Variants in FAT2 observed in about 807,000 individuals in gnomAD.
FAT2 encodes FAT atypical cadherin 2, also known as protocadherin Fat 2.
In FAT2, 150 loss-of-function variants were observed where a neutral mutation model predicts 295.3. That is an observed-to-expected ratio of 0.51 (90% confidence interval 0.44 to 0.58). FAT2 has a LOEUF of 0.58. Among genes scored for constraint, FAT2 ranks in the 20% least tolerant of loss-of-function variants. FAT2 has a pLI of 0.00. For synonymous variants in FAT2, 2,026 were observed against 2,150.3 expected (o/e 0.94, Z 1.60); for missense variants, 4,868 against 5,442.7 (o/e 0.89, Z 3.32).
Position 151,542,595 on chromosome 5 carries a change from G to A in FAT2, c.8532C>T (p.Val2844=). 6.2e-7 allele frequency: 1 copy of A among 1,614,186 alleles called. No individual in the cohort carries two copies. Among genetic ancestry groups the A allele is most frequent in the Non-Finnish European group, 8.5e-7 (1 of 1,180,032 alleles). The change falls in exon 10 of 24, where the codon GTC becomes GTT. Residue 2844 remains valine, a synonymous_variant. Coordinates refer to ENST00000261800, the MANE Select transcript of FAT2 (RefSeq NM_001447.3). The part of the protein sequence containing the change: ...YRLSADPGSN[V]HELFAIDSES... ...CACTGTCAATGGCAAAGAGCTCATG[G>A]ACATTGCTACCAGGGTCTGCAGACA...
At chr5:151,575,818 G>A (rs549324050) in intron 1 of FAT2, among the ~76,000 whole-genome samples, 2 of 152,380 alleles carry the variant, frequency 1.3e-5, no homozygotes, top group South Asian at 4.1e-4. Flanking sequence ...CAGTGATGAA[G>A]TGTTCTGTCT....
rs1222707685 is a variant in FAT2, at chr5:151,566,505, A to T, written c.2427T>A (p.Asn809Lys). Residue 809 changes from asparagine (N) to lysine (K), a missense_variant, in exon 2 of 24, where the codon AAT becomes AAA. Physicochemically the swap from Asn to Lys is moderately conservative, Grantham distance 94. Transcript: ENST00000261800. ...GTGCGTTGTCATTCCAGTCTTTCAC[A>T]TTCACTGTCAGCAGCTTCCAGGAGG... ...QKSSWKLLTV[N>K]VKDWNDNAPR... is the part of the protein sequence containing the mutation. The T allele has an allele frequency of 1.2e-6, 2 of 1,614,040 alleles. No homozygotes were observed. Among genetic ancestry groups the T allele is most frequent in the Admixed American group, 1.7e-5 (1 of 60,016 alleles).
chr5:151,591,335 G>C (rs1252226400), upstream of FAT2, among the ~76,000 whole-genome samples: 4 of 152,350 alleles, frequency 2.6e-5, no homozygotes, highest in African/African-American at 9.6e-5. Flanking sequence ...GTGTGTCCCA[G>C]CCCAGGAGGA....
At chr5:151,536,578 G>A (rs1298262323) in intron 12 of FAT2, among the ~76,000 whole-genome samples, 1 of 152,142 alleles carries the variant, frequency 6.6e-6, no homozygotes, top group Non-Finnish European at 1.5e-5. Context: ...CACTCCACCA[G>A]ACTCTCACAG....
rs566260974 is a variant in FAT2 at position 151,506,110 on chromosome 5, A to G, written c.12518-13T>C. The G allele has an allele frequency of 2.7e-6, 4 of 1,502,056 alleles. No homozygotes were observed. The Admixed American group carries it at 6.9e-5, about 26-fold the overall frequency. 93.0% of individuals were successfully genotyped at this position (1,502,056 alleles called of 1,614,324 possible). ...CCGCCAGGGTACACTGAAAGGGAAC[A>G]GCAAGATAGGGTGAGCTCATTTTCT... On this transcript the variant is annotated splice_polypyrimidine_tract_variant and intron_variant, in intron 23 of 23. Transcript: ENST00000261800.
chr5:151,550,989 C>A, intron 7 of FAT2, 118 bp from the exon 8 acceptor site: 1 of 815,476 alleles, frequency 1.2e-6, no homozygotes, highest in Non-Finnish European at 2.0e-6. Flanking sequence ...TCAGCAATCA[C>A]TTGATAAATA....
intron 20 of FAT2, among the ~76,000 whole-genome samples, chr5:151,513,708 G>A (rs141550216): frequency 6.6e-6 from 1 of 151,996 alleles, no homozygotes; most frequent in African/African-American, 2.4e-5. Flanking sequence ...TCGGTTACCC[G>A]TATAACAAAC....
intron 4 of FAT2, among the ~76,000 whole-genome samples, chr5:151,555,293 G>A (rs1757582800): frequency 6.6e-6 from 1 of 151,696 alleles, no homozygotes; most frequent in Non-Finnish European, 1.5e-5. Context: ...ATCTGTTACT[G>A]AACTGTGGAG....
At chr5:151,517,580 G>A (rs1285528451) in intron 20 of FAT2, 40 bp downstream of exon 20, 1 of 1,611,762 alleles carries the variant, frequency 6.2e-7, no homozygotes, top group Admixed American at 1.7e-5. Context: ...CCCCAGCCTG[G>A]GACACCCACA....
intron 11 of FAT2, among the ~76,000 whole-genome samples, chr5:151,539,323 T>C (rs1473770541): frequency 6.6e-6 from 1 of 152,236 alleles, no homozygotes; most frequent in Non-Finnish European, 1.5e-5. Context: ...TTTATGTGTG[T>C]TGCAAGGTAT....
At position 151,551,400 on chromosome 5, in the gene FAT2, C is replaced by T. The variant is rs773747999; in HGVS notation, c.4296+67G>A. On this transcript the variant is annotated intron_variant, in intron 7 of 23. Coordinates refer to ENST00000261800, the MANE Select transcript of FAT2 (RefSeq NM_001447.3). The stretch of plus-strand genomic sequence containing the variant: ...CCACATCCACAGAAAACCTCTGTAG[C>T]CTCATCCCAACCAAGAAGGCCTTCC... 1.9e-6 allele frequency: 3 copies of T among 1,563,954 alleles called. No homozygotes were observed. In the African/African-American group the frequency reaches 4.1e-5, roughly 21 times the overall value.
intron 2 of FAT2, among the ~76,000 whole-genome samples, chr5:151,565,471 G>C (rs935239259): frequency 6.6e-6 from 1 of 151,992 alleles, no homozygotes; most frequent in Non-Finnish European, 1.5e-5. Flanking sequence ...ATATGTGTAT[G>C]TGTATATGCA....
At chr5:151,554,327 A>G (rs2127629930) in intron 5 of FAT2, 35 bp downstream of exon 5, 1 of 1,583,800 alleles carries the variant, frequency 6.3e-7, no homozygotes. Context: ...CCAGCATGCC[A>G]CTCCTCCCTC....
intron 10 of FAT2, 140 bp from the exon 11 acceptor site, chr5:151,540,903 A>G (rs1756064191): frequency 1.5e-6 from 1 of 672,026 alleles, no homozygotes; most frequent in Non-Finnish European, 2.4e-6. Flanking sequence ...GGAACCCACG[A>G]TTCTACACTG....
At chr5:151,559,645 C>CTGTGTGTG (rs1390842430) in intron 3 of FAT2, among the ~76,000 whole-genome samples, 5 of 148,506 alleles carry the variant, frequency 3.4e-5, no homozygotes, top group African/African-American at 1.3e-4. Context: ...CAGCCTCTCT[C>CTGTGTGTG]TCTGTGTGTG....
rs750728002 is a variant in FAT2, at chr5:151,545,895, C to A, written c.5232G>T (p.Val1744=). The change falls in exon 10 of 24, where the codon GTG becomes GTT. Residue 1744 remains valine (V), a synonymous_variant. Transcript: ENST00000261800. ...NMAGAFTDVM[V]VVDIIDENDN... ...CATTTTCATCAATTATGTCAACCACCACCATGACATCAGTAAATGCACCTG... is the reference window on the plus strand; with the variant it reads ...CATTTTCATCAATTATGTCAACCACAACCATGACATCAGTAAATGCACCTG... The A allele has an allele frequency of 1.8e-5, 29 of 1,614,046 alleles. No individual in the cohort carries two copies. Among genetic ancestry groups the A allele is most frequent in the Non-Finnish European group, 2.5e-5 (29 of 1,180,036 alleles).
intron 1 of FAT2, among the ~76,000 whole-genome samples, chr5:151,575,972 G>A (rs551844156): frequency 1.3e-5 from 2 of 152,220 alleles, no homozygotes; most frequent in African/African-American, 4.8e-5. Context: ...TGTGACTTGT[G>A]TCTACCACAT....
chr5:151,537,338 GAAAA>G (rs751600133), intron 12 of FAT2, among the ~76,000 whole-genome samples: 1 of 99,926 alleles, frequency 1.0e-5, no homozygotes, highest in Admixed American at 1.1e-4. Flanking sequence ...AGAAAGAAAA[GAAAA>G]GAAAAGAAAA....
intron 20 of FAT2, among the ~76,000 whole-genome samples, chr5:151,516,662 A>G (rs1752901327): frequency 6.6e-6 from 1 of 152,180 alleles, no homozygotes; most frequent in South Asian, 2.1e-4. Flanking sequence ...TCTCTCCCCC[A>G]TAGAACAAAA....
Sources: gnomAD v4.1 joint callset for allele counts (sites outside exome capture counted in the v4.1 genomes callset) on GRCh38, gnomAD v4.1.1 for gene constraint, MANE v1.5 for transcripts, NCBI Gene and HGNC (gene_info 2026-07-23, HGNC 2026-07-21) for gene names.